Variants in CDK14 observed in about 807,000 individuals in gnomAD.
CDK14 encodes cyclin dependent kinase 14.
A neutral mutation model predicts 60.7 loss-of-function variants in CDK14; 34 were observed. That is an observed-to-expected ratio of 0.56 (90% CI 0.43 to 0.75). The LOEUF (loss-of-function observed/expected upper bound fraction) is 0.75. Among genes scored for constraint, CDK14 ranks in the 30% least tolerant of loss-of-function variants. The pLI is 0.00. For missense variants in CDK14, 482 were observed against 564.1 expected, an observed-to-expected ratio of 0.85 and a Z score of 1.47; for synonymous variants, 197 against 203.7, an observed-to-expected ratio of 0.97 and a Z score of 0.28.
chr7:91,175,728 G>A (rs1469971296), intron 14 of CDK14, among the ~76,000 whole-genome samples: 1 of 149,492 alleles, frequency 6.7e-6, no homozygotes. Flanking sequence ...TTACATAATG[G>A]TAAAGGGATC....
chr7:90,834,253 T>C (rs1790016022), intron 5 of CDK14, among the ~76,000 whole-genome samples: 2 of 152,344 alleles, frequency 1.3e-5, no homozygotes, highest in Non-Finnish European at 1.5e-5. Context: ...CAAATTACTT[T>C]GAAAGATATA....
intron 8 of CDK14, among the ~76,000 whole-genome samples, chr7:90,928,509 G>C (rs1273307835): frequency 6.6e-6 from 1 of 152,190 alleles, no homozygotes; most frequent in Non-Finnish European, 1.5e-5. Context: ...GTTTGCCTGG[G>C]TATCACCAGC....
rs574471060 is a variant in CDK14 at position 90,753,044 on chromosome 7, G to A, written c.464+5269G>A. On this transcript the variant is annotated intron_variant, in intron 4 of 14. Transcript: ENST00000380050. ...AAGCCCAGGACTAGATTGTCTCATAGCCAAGTTCTACCAGAAGTGCAGAGA... is the reference window on the plus strand; with the variant it reads ...AAGCCCAGGACTAGATTGTCTCATAACCAAGTTCTACCAGAAGTGCAGAGA... 9.9e-5 allele frequency among the ~76,000 whole-genome samples: 15 copies of A among 152,230 alleles called. No individual in the cohort carries two copies. The South Asian group carries it at 2.7e-3, about 27-fold the overall frequency.
At chr7:90,835,038 G>A (rs1201455376) in intron 5 of CDK14, among the ~76,000 whole-genome samples, 1 of 152,156 alleles carries the variant, frequency 6.6e-6, no homozygotes, top group Non-Finnish European at 1.5e-5. Flanking sequence ...TTAGATGTTA[G>A]GAGGATGAGG....
chr7:91,094,981 CG>C (rs1562902227), intron 12 of CDK14, among the ~76,000 whole-genome samples: 4 of 152,080 alleles, frequency 2.6e-5, no homozygotes. Flanking sequence ...CATCTGTTAG[CG>C]GCCATAAAGA....
At chr7:90,725,035 A>G (rs1357827318) in intron 2 of CDK14, among the ~76,000 whole-genome samples, 1 of 152,132 alleles carries the variant, frequency 6.6e-6, no homozygotes, top group Non-Finnish European at 1.5e-5. Flanking sequence ...TATTTTTCTC[A>G]TTTGACTTAG....
intron 2 of CDK14, among the ~76,000 whole-genome samples, chr7:90,652,102 A>G (rs760202498): frequency 2.0e-5 from 3 of 152,012 alleles, no homozygotes; most frequent in Non-Finnish European, 2.9e-5. Context: ...TATTTTTCCC[A>G]AGACTTTTAC....
intron 9 of CDK14, among the ~76,000 whole-genome samples, chr7:90,963,711 CT>C (rs34156393): frequency 9.1e-4 from 112 of 123,048 alleles, no homozygotes; most frequent in African/African-American, 2.0e-3. Context: ...TTTTTCTTTT[CT>C]TTTTTTTTTT....
At chr7:91,042,277 C>G (rs1224288138) in intron 10 of CDK14, among the ~76,000 whole-genome samples, 1 of 152,010 alleles carries the variant, frequency 6.6e-6, no homozygotes, top group Non-Finnish European at 1.5e-5. Flanking sequence ...ACTGTCACTC[C>G]CACCCTTTCT....
chr7:90,812,599 C>G (rs1394511807), intron 5 of CDK14, among the ~76,000 whole-genome samples: 3 of 151,514 alleles, frequency 2.0e-5, no homozygotes, highest in Admixed American at 2.0e-4. Flanking sequence ...CACATGTACC[C>G]CAAAACTTAA....
intron 3 of CDK14, among the ~76,000 whole-genome samples, chr7:90,743,161 A>C (rs895030538): frequency 1.3e-5 from 2 of 152,276 alleles, no homozygotes; most frequent in East Asian, 1.9e-4. Flanking sequence ...TTTTTGGATT[A>C]GGGATTCTAA....
At chr7:90,668,696 A>ATTTTTTTTTTT (rs1554431005) in intron 2 of CDK14, among the ~76,000 whole-genome samples, 1 of 68,450 alleles carries the variant, frequency 1.5e-5, no homozygotes, top group African/African-American at 6.0e-5. Flanking sequence ...AAGGACTCGC[A>ATTTTTTTTTTT]TTCTTTTTTT....
At chr7:91,116,893 TAG>T (rs1799625406) in intron 13 of CDK14, among the ~76,000 whole-genome samples, 1 of 151,630 alleles carries the variant, frequency 6.6e-6, no homozygotes, top group South Asian at 2.1e-4. Flanking sequence ...CCTTTCACAT[TAG>T]AGTGTCCTGG....
At chr7:91,024,623 C>G (rs974889247) in intron 10 of CDK14, among the ~76,000 whole-genome samples, 3 of 152,202 alleles carry the variant, frequency 2.0e-5, no homozygotes, top group African/African-American at 7.2e-5. Context: ...TGCACTCCAG[C>G]CTGGGTTATA....
intron 3 of CDK14, among the ~76,000 whole-genome samples, chr7:90,746,429 G>A (rs950028397): frequency 3.9e-5 from 6 of 152,102 alleles, no homozygotes; most frequent in Non-Finnish European, 5.9e-5. Context: ...TAGTGTTCAA[G>A]CCCAACTTGA....
intron 5 of CDK14, among the ~76,000 whole-genome samples, chr7:90,831,191 C>T (rs2117111105): frequency 6.6e-6 from 1 of 152,266 alleles, no homozygotes; most frequent in South Asian, 2.1e-4. Flanking sequence ...CTACCTGAGA[C>T]TTGGTAATTT....
At chr7:91,151,187 C>T (rs559593261) in intron 14 of CDK14, among the ~76,000 whole-genome samples, 20 of 152,174 alleles carry the variant, frequency 1.3e-4, no homozygotes, top group Non-Finnish European at 2.4e-4. Context: ...CATTCCCACA[C>T]CCCAGTCTTT....
intron 10 of CDK14, among the ~76,000 whole-genome samples, chr7:91,003,084 C>A (rs1795885969): frequency 6.6e-6 from 1 of 152,078 alleles, no homozygotes; most frequent in Admixed American, 6.5e-5. Flanking sequence ...AAACAAAAAA[C>A]AAACAGATGC....
At chr7:91,050,099 G>C (rs999728320) in intron 11 of CDK14, among the ~76,000 whole-genome samples, 1 of 152,230 alleles carries the variant, frequency 6.6e-6, no homozygotes. Context: ...ATGGGGAGGA[G>C]TGGAGGGCTG....
Sources: allele counts gnomAD v4.1 joint callset (sites outside exome capture counted in the v4.1 genomes callset), GRCh38; gene constraint gnomAD v4.1.1; transcripts MANE v1.5; gene names NCBI Gene and HGNC (gene_info 2026-07-23, HGNC 2026-07-21).